The following UPP2 variants were observed in gnomAD, a reference collection of about 807,000 sequenced individuals.
UPP2 encodes UPase 2.
Under a neutral mutation model 26.7 loss-of-function variants are expected in UPP2, and 23 were observed. That is an observed-to-expected ratio of 0.86 (90% CI 0.62 to 1.22). The LOEUF is 1.22. Among genes scored for constraint, UPP2 ranks in the 50% most tolerant of loss-of-function variants. The probability of loss-of-function intolerance (pLI) is 0.00; values close to 1 mark genes in which losing one functional copy is unlikely to be tolerated. For synonymous variants in UPP2, 127 were observed against 141.3 expected (o/e 0.90, Z 0.72); for missense variants, 387 against 396.7 (o/e 0.98, Z 0.21).
chr2:158,120,545 G>T (rs574787972), intron 4 of UPP2, among the ~76,000 whole-genome samples: 19 of 152,108 alleles, frequency 1.2e-4, no homozygotes, highest in African/African-American at 4.3e-4. Flanking sequence ...TTCTATCAGA[G>T]AAAAAGATAA....
intron 3 of UPP2, among the ~76,000 whole-genome samples, chr2:158,063,857 T>C (rs903448733): frequency 1.2e-4 from 19 of 152,220 alleles, no homozygotes; most frequent in African/African-American, 4.3e-4. Flanking sequence ...TTTGGTTTTC[T>C]GTTCTTGTGA....
chr2:158,121,379 C>A, intron 4 of UPP2, 30 bp from the exon 5 acceptor site: 1 of 1,578,936 alleles, frequency 6.3e-7, no homozygotes, highest in East Asian at 2.2e-5. Flanking sequence ...AAACGATATT[C>A]TTCTGTAATC....
At chr2:158,051,155 ATATGTGTG>A (rs1184227792) in intron 3 of UPP2, among the ~76,000 whole-genome samples, 3 of 94,186 alleles carry the variant, frequency 3.2e-5, no homozygotes, top group African/African-American at 4.6e-5. Flanking sequence ...CACTCTAGGA[ATATGTGTG>A]TGTGTGTGTG....
At chr2:158,123,096 G>A (rs1196980627) in intron 5 of UPP2, among the ~76,000 whole-genome samples, 1 of 152,192 alleles carries the variant, frequency 6.6e-6, no homozygotes. Flanking sequence ...ATTTCTGGGT[G>A]TGCACAGGGT....
At chr2:158,070,603 G>C (rs1306439553) in intron 3 of UPP2, among the ~76,000 whole-genome samples, 1 of 152,174 alleles carries the variant, frequency 6.6e-6, no homozygotes, top group Non-Finnish European at 1.5e-5. Flanking sequence ...CACTGTTTAT[G>C]GGGGGCGGAG....
At chr2:158,120,653 G>A (rs1256413910) in intron 4 of UPP2, among the ~76,000 whole-genome samples, 3 of 151,910 alleles carry the variant, frequency 2.0e-5, no homozygotes, top group Non-Finnish European at 4.4e-5. Context: ...AACCAGACTG[G>A]GTCAAAAGCT....
chr2:158,043,386 GTCCCATGAC>G lies in UPP2; in HGVS notation c.147+27501_147+27509del, dbSNP rs528169201. ...AAAAGGGCATCAGGGGTTGACCAGA[GTCCCATGAC>G]ATCAGAAGTCAAGCCTGGCAGATGG... On this transcript the variant is annotated intron_variant, in intron 3 of 9. Transcript: ENST00000605860. Among the ~76,000 whole-genome samples the G allele has an allele frequency of 2.9e-3, 442 of 152,310 alleles. 2 individuals carry two copies. The highest frequency in any genetic ancestry group is 0.01 in the African/African-American group (428 of 41,556).
chr2:158,015,683 G>C, intron 2 of UPP2: 3 of 409,722 alleles, frequency 7.3e-6, no homozygotes, highest in Non-Finnish European at 1.5e-5. Context: ...GAATCATGGG[G>C]CAGACTTCCC....
At chr2:157,999,839 A>T (rs776894736) in intron 2 of UPP2, among the ~76,000 whole-genome samples, 26 of 152,216 alleles carry the variant, frequency 1.7e-4, no homozygotes, top group Non-Finnish European at 3.7e-4. Context: ...CAAATCACAC[A>T]CACACTTACC....
rs115447511 is a variant in UPP2 at position 158,069,984 on chromosome 2, C to T, written c.148-32056C>T. On this transcript the variant is annotated intron_variant, in intron 3 of 9. Coordinates refer to the UPP2 transcript ENST00000605860. ...GCTTTAATCTCAATCATGAGGGCTC[C>T]ACTCTGACCTAATCACCCCCCAAAG... Among the ~76,000 whole-genome samples the T allele has an allele frequency of 4.4e-3, 672 of 152,200 alleles. 2 individuals are homozygous for T. The highest frequency in any genetic ancestry group is 0.015 in the African/African-American group (606 of 41,530).
intron 3 of UPP2, among the ~76,000 whole-genome samples, chr2:158,082,221 A>T (rs930016066): frequency 1.8e-4 from 28 of 152,152 alleles, no homozygotes. Flanking sequence ...AAGTGCTGGG[A>T]TTACAGGCAT....
chr2:158,009,464 G>C (rs1304697986), intron 2 of UPP2, among the ~76,000 whole-genome samples: 1 of 152,174 alleles, frequency 6.6e-6, no homozygotes, highest in Non-Finnish European at 1.5e-5. Flanking sequence ...TTTTACAGTT[G>C]AAGGATAGCC....
At chr2:158,081,272 A>G (rs1234587632) in intron 3 of UPP2, among the ~76,000 whole-genome samples, 1 of 152,206 alleles carries the variant, frequency 6.6e-6, no homozygotes, top group East Asian at 1.9e-4. Flanking sequence ...AGGTCACTTT[A>G]AAGAAAAGCT....
At chr2:158,020,971 A>G (rs1367165299) in intron 3 of UPP2, among the ~76,000 whole-genome samples, 2 of 152,250 alleles carry the variant, frequency 1.3e-5, no homozygotes, top group Admixed American at 6.5e-5. Context: ...GAATGATGAG[A>G]ACAGGGATCG....
At chr2:158,087,996 G>C (rs867204058) in intron 3 of UPP2, among the ~76,000 whole-genome samples, 1 of 152,136 alleles carries the variant, frequency 6.6e-6, no homozygotes, top group African/African-American at 2.4e-5. Flanking sequence ...TTTCCCAAAT[G>C]TTCTTTGAGG....
intron 2 of UPP2, among the ~76,000 whole-genome samples, chr2:158,108,946 G>A (rs1389509983): frequency 6.7e-6 from 1 of 148,534 alleles, no homozygotes; most frequent in African/African-American, 2.5e-5. Context: ...GTAAATTGAG[G>A]AGCAGGTAAC....
intron 3 of UPP2, among the ~76,000 whole-genome samples, chr2:158,021,675 G>T (rs1346357051): frequency 6.6e-6 from 1 of 152,172 alleles, no homozygotes; most frequent in Non-Finnish European, 1.5e-5. Flanking sequence ...TGGAATTTAA[G>T]ATTTTTAATT....
chr2:158,083,039 TA>T (rs1392147605), intron 3 of UPP2, among the ~76,000 whole-genome samples: 1 of 152,212 alleles, frequency 6.6e-6, no homozygotes, highest in Admixed American at 6.5e-5. Context: ...TGGCGATTAT[TA>T]AAAAGTCAGG....
chr2:158,023,209 G>A lies in UPP2; in HGVS notation c.147+7323G>A, dbSNP rs1223574608. Among the ~76,000 whole-genome samples, 4 of 127,382 alleles carry A rather than the reference G, an allele frequency of 3.1e-5. No homozygotes were observed. In the East Asian group the frequency reaches 1.0e-3, roughly 33 times the overall value. The allele number at this position is 127,382 out of a possible 152,430, so 83.6% of individuals were successfully genotyped here. A position where few individuals can be genotyped will look rare whatever the true frequency, so the allele number is the denominator to read the frequency against. On this transcript the variant is annotated intron_variant, in intron 3 of 9. Coordinates refer to the UPP2 transcript ENST00000605860. ...GCATGAGGAGGGGAGGGTGTGATGA[G>A]GTCATGGGGTTGCTGTCAGTTGGGG...
Sources: allele counts gnomAD v4.1 joint callset (sites outside exome capture counted in the v4.1 genomes callset), GRCh38; gene constraint gnomAD v4.1.1; transcripts MANE v1.5; gene names NCBI Gene and HGNC (gene_info 2026-07-23, HGNC 2026-07-21).